Variants in MAGEA4 observed in about 807,000 individuals in gnomAD.
MAGEA4 encodes the protein MAGE family member A4.
MAGEA4 carries 1 observed loss-of-function variant against 13.7 expected under a neutral mutation model. The observed-to-expected ratio is 0.07, with a 90% CI of 0.03 to 0.35. The LOEUF (loss-of-function observed/expected upper bound fraction) is 0.35. Among genes scored for constraint, MAGEA4 ranks in the 10% least tolerant of loss-of-function variants. MAGEA4 has a pLI of 0.99. For synonymous variants in MAGEA4, 132 were observed against 101.1 expected (o/e 1.31, Z -1.83); for missense variants, 312 against 245.1 (o/e 1.27, Z -1.82).
chrX:151,918,850 C>T, intron 1 of MAGEA4: 1 of 375,533 alleles, frequency 2.7e-6, no homozygotes, highest in Non-Finnish European at 3.3e-6. Flanking sequence ...CTCCACCGAC[C>T]TCACCCTTCC....
At chrX:151,923,109 G>C in intron 1 of MAGEA4, among the ~76,000 whole-genome samples, 1 of 111,919 alleles carries the variant, frequency 8.9e-6, no homozygotes, top group Non-Finnish European at 1.9e-5. Context: ...CACTCCATGA[G>C]AGTGGGGACC....
chrX:151,924,544 G>A lies in MAGEA4; in HGVS notation c.880G>A (p.Val294Ile), dbSNP rs750367920. The A allele has an allele frequency of 2.5e-6, 3 of 1,209,257 alleles. No homozygotes were observed. The South Asian group carries it at 5.3e-5, about 21-fold the overall frequency. Reference protein sequence around the residue: ...YVKVLEHVVRVNARVRIAYPS... With the variant: ...YVKVLEHVVRINARVRIAYPS... ...GAAAGTCCTGGAGCATGTGGTCAGGGTCAATGCAAGAGTTCGCATTGCCTA... is the reference window on the plus strand; with the variant it reads ...GAAAGTCCTGGAGCATGTGGTCAGGATCAATGCAAGAGTTCGCATTGCCTA... Residue 294 changes from valine to isoleucine, a missense_variant, in exon 3 of 3, where the codon GTC (valine) becomes ATC (isoleucine). Transcript: ENST00000276344.
upstream of MAGEA4, chrX:151,912,872 C>G (rs980037339): frequency 1.5e-5 from 2 of 135,988 alleles, no homozygotes; most frequent in Admixed American, 1.7e-4. Flanking sequence ...ATGCCACTGA[C>G]TTGCGCACTG....
At chrX:151,920,010 A>C (rs1933344035) in intron 1 of MAGEA4, among the ~76,000 whole-genome samples, 1 of 37,995 alleles carries the variant, frequency 2.6e-5, no homozygotes, top group Non-Finnish European at 4.7e-5. Context: ...ATTCCCATCC[A>C]CACTCCCAAC....
At chrX:151,922,451 A>G (rs1933492057) in intron 1 of MAGEA4, among the ~76,000 whole-genome samples, 1 of 111,422 alleles carries the variant, frequency 9.0e-6, no homozygotes, top group South Asian at 3.8e-4. Flanking sequence ...CCCTCACCCC[A>G]GAACCAAAGG....
At position 151,924,139 on chromosome X, in the gene MAGEA4, C is replaced by T. The variant is rs1446177585; in HGVS notation, c.475C>T (p.Leu159=). 7 of 1,210,641 alleles carry T rather than the reference C, an allele frequency of 5.8e-6. No individual in the cohort carries two copies. The highest frequency in any genetic ancestry group is 3.5e-5 in the African/African-American group (2 of 57,333). ...GATCTTCGGCAAAGCCTCCGAGTCC[C>T]TGAAGATGATCTTTGGCATTGACGT... ...PVIFGKASES[L]KMIFGIDVKE... Residue 159 remains leucine (L), a synonymous_variant, in exon 3 of 3, where the codon CTG becomes TTG. Transcript: ENST00000276344.
At chrX:151,921,940 C>T (rs1224818911) in intron 1 of MAGEA4, among the ~76,000 whole-genome samples, 3 of 111,389 alleles carry the variant, frequency 2.7e-5, no homozygotes, top group African/African-American at 9.8e-5. Flanking sequence ...GGGGTGGGTT[C>T]CAAGCCCTTC....
At chrX:151,923,396 G>A in intron 1 of MAGEA4, 57 bp from the exon 2 acceptor site, 1 of 1,016,482 alleles carries the variant, frequency 9.8e-7, no homozygotes, top group Non-Finnish European at 1.3e-6. Context: ...CAATCCTGCA[G>A]AATCGACCTC....
intron 1 of MAGEA4, chrX:151,919,550 C>G: frequency 1.8e-6 from 1 of 560,093 alleles, no homozygotes; most frequent in Non-Finnish European, 2.1e-6. Flanking sequence ...CCTCCCACCC[C>G]CATCCACGCT....
chrX:151,919,366 C>T (rs1164688612), intron 1 of MAGEA4, among the ~76,000 whole-genome samples: 1 of 93,479 alleles, frequency 1.1e-5, no homozygotes, highest in South Asian at 5.9e-4. Flanking sequence ...CGCCCCCATC[C>T]CCCACCAGGC....
At chrX:151,921,420 G>T (rs372199465) in intron 1 of MAGEA4, among the ~76,000 whole-genome samples, 124 of 112,438 alleles carry the variant, frequency 1.1e-3, no homozygotes, top group African/African-American at 3.9e-3. Flanking sequence ...CGCAGCTCCT[G>T]CTGCCAGTCC....
At chrX:151,922,784 C>T (rs776218557) in intron 1 of MAGEA4, among the ~76,000 whole-genome samples, 6 of 111,323 alleles carry the variant, frequency 5.4e-5, no homozygotes, top group Non-Finnish European at 7.6e-5. Flanking sequence ...ACTGGTGTCA[C>T]GGAGTGGGAG....
At position 151,924,836 on chromosome X, in the gene MAGEA4, AATGG is replaced by A. The variant is rs1367599015; in HGVS notation, c.*223_*226del. The stretch of plus-strand genomic sequence containing the variant: ...TTACAATTGTTGAAATGTTCCTTTT[AATGG>A]ATGGTTGAATTAACTTCAGCATCCA... On this transcript the variant is annotated 3_prime_UTR_variant, in exon 3 of 3. Transcript: ENST00000276344. 1 of 363,771 alleles carries A rather than the reference AATGG, an allele frequency of 2.7e-6. No homozygotes were observed. Among genetic ancestry groups the A allele is most frequent in the African/African-American group, 2.6e-5 (1 of 38,691 alleles). 30.0% of individuals were successfully genotyped at this position (363,771 alleles called of 1,213,427 possible).
intron 1 of MAGEA4, 126 bp from the exon 2 acceptor site, chrX:151,923,327 G>GC (rs1933532499): frequency 2.6e-6 from 1 of 386,911 alleles, no homozygotes; most frequent in Non-Finnish European, 4.4e-6. Context: ...CACACCAAGG[G>GC]CCCCACCTGC....
intron 1 of MAGEA4, chrX:151,913,887 T>G (rs113511379): frequency 0.057 from 5,391 of 94,991 alleles, 561 homozygotes; most frequent in African/African-American, 0.21. Context: ...GATTACCATT[T>G]GCACTCCCAA....
chrX:151,921,197 G>T (rs1933420802), intron 1 of MAGEA4, among the ~76,000 whole-genome samples: 1 of 112,580 alleles, frequency 8.9e-6, no homozygotes, highest in African/African-American at 3.2e-5. Flanking sequence ...TCACCAGGCA[G>T]AATCCAGTTC....
Position 151,923,511 on chromosome X carries a change from C to T in MAGEA4, c.-79C>T. 8.3e-7 allele frequency: 1 copy of T among 1,204,946 alleles called. No homozygotes were observed. The highest frequency in any genetic ancestry group is 1.1e-6 in the Non-Finnish European group (1 of 893,039). On this transcript the variant is annotated 5_prime_UTR_variant, in exon 2 of 3. Coordinates refer to ENST00000276344, the MANE Select transcript of MAGEA4 (RefSeq NM_001011548.1). ...TTCCCTGGAGGCCACAGAGGAGCACCAAGGAGAAGATCTGTAAGTAAGCCT... is the reference window on the plus strand; with the variant it reads ...TTCCCTGGAGGCCACAGAGGAGCACTAAGGAGAAGATCTGTAAGTAAGCCT...
chrX:151,924,972 CATA>C lies in MAGEA4; in HGVS notation c.*359_*361del, dbSNP rs750367443. 7.7e-5 allele frequency: 13 copies of C among 167,979 alleles called. No individual in the cohort carries two copies. The East Asian group carries it at 1.0e-3, about 13-fold the overall frequency. The allele number at this position is 167,979 out of a possible 1,213,427, so 13.8% of individuals were successfully genotyped here. ...TCCGTTCTATTTTGTGAATTTGGGACATAATAACAGCAGTGGAGTAAGTATTTA... is the reference window on the plus strand; with the variant it reads ...TCCGTTCTATTTTGTGAATTTGGGACATAACAGCAGTGGAGTAAGTATTTA... On this transcript the variant is annotated 3_prime_UTR_variant, in exon 3 of 3. Transcript: ENST00000276344.
chrX:151,915,762 C>G (rs1243391489), intron 1 of MAGEA4: 1 of 51,064 alleles, frequency 2.0e-5, no homozygotes, highest in Non-Finnish European at 3.4e-5. Flanking sequence ...CGCCCACCAC[C>G]CCACTGCCTC....
Sources: allele counts gnomAD v4.1 joint callset (sites outside exome capture counted in the v4.1 genomes callset), GRCh38; gene constraint gnomAD v4.1.1; transcripts MANE v1.5; gene names NCBI Gene and HGNC (gene_info 2026-07-23, HGNC 2026-07-21).